The following MMP16 variants were observed in gnomAD, a reference collection of about 807,000 sequenced individuals.
The protein encoded by MMP16 is matrix metallopeptidase 16.
MMP16 carries 12 observed loss-of-function variants against 67.8 expected under a neutral mutation model. That is an observed-to-expected ratio of 0.18 (90% CI 0.11 to 0.29). The LOEUF (loss-of-function observed/expected upper bound fraction) is 0.29, where lower values mean the gene tolerates loss of function less well. MMP16 is among the 10% of genes least tolerant of loss of function. MMP16 has a pLI of 1.00. For synonymous variants in MMP16, 249 were observed against 255.9 expected, an observed-to-expected ratio of 0.97 and a Z score of 0.26; for missense variants, 475 against 765.7, an observed-to-expected ratio of 0.62 and a Z score of 4.48.
intron 1 of MMP16, among the ~76,000 whole-genome samples, chr8:88,259,526 C>G (rs1051775836): frequency 1.3e-5 from 2 of 151,564 alleles, no homozygotes; most frequent in South Asian, 4.1e-4. Context: ...ATAATTTAAA[C>G]GTGTGGGAAA....
At chr8:88,180,133 T>G (rs1353027338) in intron 3 of MMP16, among the ~76,000 whole-genome samples, 2 of 151,832 alleles carry the variant, frequency 1.3e-5, no homozygotes, top group Non-Finnish European at 2.9e-5. Context: ...AATACAAAAT[T>G]AGCCTGGCAT....
intron 4 of MMP16, among the ~76,000 whole-genome samples, chr8:88,160,371 T>C (rs982892614): frequency 6.6e-6 from 1 of 151,998 alleles, no homozygotes; most frequent in Non-Finnish European, 1.5e-5. Context: ...CAGTCTATCA[T>C]TGTTGGACAT....
intron 3 of MMP16, among the ~76,000 whole-genome samples, chr8:88,178,062 A>C (rs141064825): frequency 6.6e-6 from 1 of 152,134 alleles, no homozygotes; most frequent in Non-Finnish European, 1.5e-5. Flanking sequence ...CATTAAATAC[A>C]ACCTAACCCC....
chr8:88,263,711 A>G (rs1027477250), intron 1 of MMP16, among the ~76,000 whole-genome samples: 1 of 152,138 alleles, frequency 6.6e-6, no homozygotes, highest in Non-Finnish European at 1.5e-5. Context: ...GACACCAGTC[A>G]TATTGGATTA....
At position 88,095,874 on chromosome 8, in the gene MMP16, G is replaced by A. The variant is rs574545109; in HGVS notation, c.1083+20633C>T. Among the ~76,000 whole-genome samples the A allele has an allele frequency of 3.3e-5, 5 of 152,040 alleles. No individual in the cohort carries two copies. The South Asian group carries it at 6.2e-4, about 19-fold the overall frequency. ...CCTCCAAAAGCTAGGCGCTATGCTA[G>A]GCATTGGAAATGGAGTAGTGAATAA... On this transcript the variant is annotated intron_variant, in intron 6 of 9. Transcript: ENST00000286614.
intron 4 of MMP16, among the ~76,000 whole-genome samples, chr8:88,124,531 C>T (rs1807893658): frequency 6.6e-6 from 1 of 151,800 alleles, no homozygotes; most frequent in African/African-American, 2.4e-5. Context: ...TTTCCGTAGC[C>T]CTAAACATCT....
chr8:88,148,404 T>G (rs953269315), intron 4 of MMP16, among the ~76,000 whole-genome samples: 6 of 152,248 alleles, frequency 3.9e-5, no homozygotes, highest in African/African-American at 1.2e-4. Flanking sequence ...TAAACTTCTA[T>G]TTGCATGATA....
chr8:88,180,240 C>T (rs1808957513), intron 3 of MMP16, among the ~76,000 whole-genome samples: 1 of 151,034 alleles, frequency 6.6e-6, no homozygotes, highest in Admixed American at 6.6e-5. Context: ...GAGATTGCGC[C>T]ATTTCACTCC....
chr8:88,210,057 A>G (rs75588133), intron 1 of MMP16, among the ~76,000 whole-genome samples: 2,226 of 152,232 alleles, frequency 0.015, 63 homozygotes, highest in African/African-American at 0.05. Context: ...AGAAGTTGGC[A>G]GTCTACAGCC....
intron 1 of MMP16, among the ~76,000 whole-genome samples, chr8:88,273,789 G>T (rs1437571375): frequency 6.6e-6 from 1 of 152,016 alleles, no homozygotes; most frequent in African/African-American, 2.4e-5. Flanking sequence ...TAACGGCAAA[G>T]AATATATGGT....
At chr8:88,262,974 G>A (rs546324877) in intron 1 of MMP16, among the ~76,000 whole-genome samples, 54 of 150,936 alleles carry the variant, frequency 3.6e-4, no homozygotes, top group African/African-American at 1.2e-3. Context: ...GCAGTGAGCC[G>A]AGATCGCGCC....
intron 1 of MMP16, among the ~76,000 whole-genome samples, chr8:88,282,706 A>G (rs1321382207): frequency 6.6e-6 from 1 of 152,186 alleles, no homozygotes; most frequent in Non-Finnish European, 1.5e-5. Flanking sequence ...TAGCTATATT[A>G]TTATTTTCAA....
chr8:88,213,569 A>G (rs1809544164), intron 1 of MMP16, among the ~76,000 whole-genome samples: 1 of 152,150 alleles, frequency 6.6e-6, no homozygotes, highest in Admixed American at 6.5e-5. Context: ...CGAATTTCCT[A>G]AAACTTAGAG....
chr8:88,160,266 C>A (rs187990601), intron 4 of MMP16, among the ~76,000 whole-genome samples: 1 of 151,840 alleles, frequency 6.6e-6, no homozygotes, highest in Non-Finnish European at 1.5e-5. Context: ...ATGATGATTT[C>A]CAATTTCATC....
chr8:88,227,956 AACC>A (rs1303766301), intron 1 of MMP16, among the ~76,000 whole-genome samples: 3 of 152,114 alleles, frequency 2.0e-5, no homozygotes, highest in African/African-American at 7.2e-5. Flanking sequence ...AAAGCTGCAG[AACC>A]ACAATTTAGG....
intron 1 of MMP16, among the ~76,000 whole-genome samples, chr8:88,210,837 A>G (rs1809501662): frequency 1.3e-5 from 2 of 152,132 alleles, no homozygotes; most frequent in South Asian, 4.1e-4. Context: ...CATTCTGGAG[A>G]GTACTGATAC....
intron 1 of MMP16, among the ~76,000 whole-genome samples, chr8:88,205,584 G>C (rs1015406488): frequency 6.6e-6 from 1 of 152,128 alleles, no homozygotes; most frequent in Non-Finnish European, 1.5e-5. Flanking sequence ...TTATTTCTAT[G>C]CTAGAGTATT....
intron 1 of MMP16, among the ~76,000 whole-genome samples, chr8:88,227,367 CG>C (rs999393752): frequency 6.6e-6 from 1 of 151,824 alleles, no homozygotes; most frequent in Non-Finnish European, 1.5e-5. Context: ...TTAAAAGGGA[CG>C]AAAAATTACC....
chr8:88,098,548 C>T (rs1183030049), intron 6 of MMP16, among the ~76,000 whole-genome samples: 2 of 151,936 alleles, frequency 1.3e-5, no homozygotes, highest in Non-Finnish European at 2.9e-5. Flanking sequence ...GCTAGGCTTC[C>T]TTTAGGGCAT....
Sources: allele counts gnomAD v4.1 joint callset (sites outside exome capture counted in the v4.1 genomes callset), GRCh38; gene constraint gnomAD v4.1.1; transcripts MANE v1.5; gene names NCBI Gene and HGNC (gene_info 2026-07-23, HGNC 2026-07-21).